SPDEF: variants seen among roughly 807,000 people sequenced by gnomAD.
SPDEF encodes SAM pointed domain containing ETS transcription factor.
Under a neutral mutation model 36.0 loss-of-function variants are expected in SPDEF, and 12 were observed. That is an observed-to-expected ratio of 0.33 (90% CI 0.21 to 0.54). The LOEUF (loss-of-function observed/expected upper bound fraction) is 0.54. SPDEF is among the 20% of genes least tolerant of loss of function. The pLI, the probability that SPDEF is intolerant of heterozygous loss-of-function variation, is 0.93. For missense variants in SPDEF, 388 were observed against 456.9 expected (o/e 0.85, Z 1.37); for synonymous variants, 205 against 193.0 (o/e 1.06, Z -0.51).
In SPDEF at chr6:34,544,168, A is replaced by G; in HGVS notation, c.288T>C (p.Ile96=). 1 of 1,613,830 alleles carries G rather than the reference A, an allele frequency of 6.2e-7. No individual in the cohort carries two copies. Among genetic ancestry groups the G allele is most frequent in the Non-Finnish European group, 8.5e-7 (1 of 1,179,940 alleles). ...PPEEPEQCPV[I]DSQAPAGSLD... ...GGCTGCCCGCTGGGGCTTGGCTGTCAATGACCGGGCACTGCTCAGGCTCCT... is the reference window on the plus strand; with the variant it reads ...GGCTGCCCGCTGGGGCTTGGCTGTCGATGACCGGGCACTGCTCAGGCTCCT... The change falls in exon 2 of 6, where the codon ATT becomes ATC. Residue 96 remains isoleucine, a synonymous_variant. Transcript: ENST00000374037. The surrounding 1 kb of genome is among the most constrained non-coding windows in gnomAD (Gnocchi z 4.4).
At chr6:34,547,111 GC>G (rs777646342) in intron 1 of SPDEF, among the ~76,000 whole-genome samples, 8 of 151,914 alleles carry the variant, frequency 5.3e-5, no homozygotes, top group Admixed American at 1.3e-4. Flanking sequence ...CACCCTGGGC[GC>G]CATGCCAGGG....
chr6:34,546,410 C>A (rs1767954565), intron 1 of SPDEF, among the ~76,000 whole-genome samples: 1 of 152,008 alleles, frequency 6.6e-6, no homozygotes. Flanking sequence ...TCTCCAGTTA[C>A]CCTGTGAGAC....
At chr6:34,547,886 T>C (rs1486250945) in intron 1 of SPDEF, among the ~76,000 whole-genome samples, 1 of 152,182 alleles carries the variant, frequency 6.6e-6, no homozygotes, top group Non-Finnish European at 1.5e-5. Flanking sequence ...AAGTTAATGG[T>C]TAACTGTGTG....
chr6:34,547,034 C>T (rs1312250980), intron 1 of SPDEF, among the ~76,000 whole-genome samples: 1 of 150,096 alleles, frequency 6.7e-6, no homozygotes, highest in Non-Finnish European at 1.5e-5. Context: ...TCACCCCCTG[C>T]CTGCCTCCTG....
chr6:34,543,730 GGGAGAGCGAAGTCCAAGA>G (rs1767877775), intron 2 of SPDEF, among the ~76,000 whole-genome samples: 1 of 152,194 alleles, frequency 6.6e-6, no homozygotes, highest in Admixed American at 6.5e-5. Context: ...AGTGAATGAG[GGGAGAGCGAAGTCCAAGA>G]GGAGGTGGGG....
Position 34,539,986 on chromosome 6 carries a change from G to A in SPDEF, c.635-424C>T, listed in dbSNP as rs1767783516. On this transcript the variant is annotated intron_variant, in intron 3 of 5. Coordinates refer to ENST00000374037, the MANE Select transcript of SPDEF (RefSeq NM_012391.3). The surrounding 1 kb of genome is among the most constrained non-coding windows in gnomAD (Gnocchi z 5.2). ...AGATCAAGACAATTTAGACACTCAGGGGCTGACACGCAGCCATTAGAAATT... is the reference window on the plus strand; with the variant it reads ...AGATCAAGACAATTTAGACACTCAGAGGCTGACACGCAGCCATTAGAAATT... Among the ~76,000 whole-genome samples the A allele has an allele frequency of 6.6e-6, 1 of 152,268 alleles. No homozygotes were observed. Among genetic ancestry groups the A allele is most frequent in the East Asian group, 1.9e-4 (1 of 5,176 alleles).
chr6:34,555,801 T>C lies in SPDEF; in HGVS notation c.-30+128A>G, dbSNP rs1768153894. ...AAAGGGATCCAGGTCACAGGGTCAC[T>C]GATGACTGGGAGATGAGCTCTGAGC... On this transcript the variant is annotated intron_variant, in intron 1 of 5. Coordinates refer to ENST00000374037, the MANE Select transcript of SPDEF (RefSeq NM_012391.3). The surrounding 1 kb of genome is among the most constrained non-coding windows in gnomAD (Gnocchi z 5.2). The C allele has an allele frequency of 4.6e-5, 7 of 152,724 alleles. No individual in the cohort carries two copies. 9.5% of individuals were successfully genotyped at this position (152,724 alleles called of 1,614,324 possible). A position where few individuals can be genotyped will look rare whatever the true frequency, so the allele number is the denominator to read the frequency against.
chr6:34,553,025 C>A (rs901043285), intron 1 of SPDEF, among the ~76,000 whole-genome samples: 12 of 152,120 alleles, frequency 7.9e-5, no homozygotes, highest in Middle Eastern at 6.3e-3. Context: ...CCTCCAGCCA[C>A]GTCTCCCCTG....
chr6:34,543,595 A>G (rs34961272), intron 2 of SPDEF, among the ~76,000 whole-genome samples: 471 of 152,326 alleles, frequency 3.1e-3, no homozygotes, highest in Non-Finnish European at 5.3e-3. Flanking sequence ...GGATGGTGCC[A>G]TCTGAGCCAA....
intron 1 of SPDEF, among the ~76,000 whole-genome samples, chr6:34,551,176 C>G (rs1033218852): frequency 1.3e-5 from 2 of 152,216 alleles, no homozygotes; most frequent in African/African-American, 4.8e-5. Context: ...CATCTTCTAG[C>G]TCCTAAGGTT....
At chr6:34,545,445 A>G (rs1767930703) in intron 1 of SPDEF, among the ~76,000 whole-genome samples, 2 of 152,258 alleles carry the variant, frequency 1.3e-5, no homozygotes, top group African/African-American at 4.8e-5. Context: ...AAGCAGTCAG[A>G]GGCCTTGCTC....
At chr6:34,545,163 T>C (rs1396962163) in intron 1 of SPDEF, among the ~76,000 whole-genome samples, 1 of 152,204 alleles carries the variant, frequency 6.6e-6, no homozygotes, top group East Asian at 1.9e-4. Context: ...TACCCCAGGC[T>C]GGGTGCATGG....
Position 34,539,876 on chromosome 6 carries a change from G to A in SPDEF, c.635-314C>T, listed in dbSNP as rs1025746786. ...ACTGGTCTCTGACAGGGTCCTATGA[G>A]TTGGTCCTGTTTCTTACTCCTTGAC... On this transcript the variant is annotated intron_variant, in intron 3 of 5. Transcript: ENST00000374037. The surrounding 1 kb of genome is among the most constrained non-coding windows in gnomAD (Gnocchi z 5.2). Among the ~76,000 whole-genome samples the A allele has an allele frequency of 7.2e-5, 11 of 152,324 alleles. No individual in the cohort carries two copies. The highest frequency in any genetic ancestry group is 7.2e-4 in the Admixed American group (11 of 15,310).
At chr6:34,553,410 G>C (rs976045806) in intron 1 of SPDEF, among the ~76,000 whole-genome samples, 3 of 151,976 alleles carry the variant, frequency 2.0e-5, no homozygotes, top group African/African-American at 7.3e-5. Flanking sequence ...CACAGGGTGG[G>C]GCATGAACGG....
At position 34,551,552 on chromosome 6, in the gene SPDEF, C is replaced by A. The variant is rs375073199; in HGVS notation, c.-30+4377G>T. 2.9e-4 allele frequency among the ~76,000 whole-genome samples: 44 copies of A among 152,314 alleles called. No individual in the cohort carries two copies. The East Asian group carries it at 6.8e-3, about 23-fold the overall frequency. ...TTTACGATCCATGACCCTCATCTTGCCATCAGCCTGGCTTTGGGGACTTAA... is the reference window on the plus strand; with the variant it reads ...TTTACGATCCATGACCCTCATCTTGACATCAGCCTGGCTTTGGGGACTTAA... On this transcript the variant is annotated intron_variant, in intron 1 of 5. Coordinates refer to ENST00000374037, the MANE Select transcript of SPDEF (RefSeq NM_012391.3).
chr6:34,545,005 G>A (rs755141607), intron 1 of SPDEF, among the ~76,000 whole-genome samples: 19 of 152,180 alleles, frequency 1.2e-4, no homozygotes, highest in Admixed American at 2.0e-4. Flanking sequence ...GGGGAAAGAC[G>A]AGAGGAACAA....
At chr6:34,554,035 A>G (rs1768118323) in intron 1 of SPDEF, among the ~76,000 whole-genome samples, 1 of 152,116 alleles carries the variant, frequency 6.6e-6, no homozygotes, top group Non-Finnish European at 1.5e-5. Context: ...TTAACAGGCA[A>G]TAGCCTTGTC....
At chr6:34,541,819 T>C (rs906816886) in intron 2 of SPDEF, among the ~76,000 whole-genome samples, 4 of 152,196 alleles carry the variant, frequency 2.6e-5, no homozygotes, top group African/African-American at 7.2e-5. Context: ...GGGGAGCCCT[T>C]GGCTAGGTCC....
chr6:34,553,397 G>T (rs1207095834), intron 1 of SPDEF, among the ~76,000 whole-genome samples: 1 of 152,080 alleles, frequency 6.6e-6, no homozygotes, highest in Non-Finnish European at 1.5e-5. Flanking sequence ...GCTTGGCTGG[G>T]GGCACAGGGT....
Sources: gnomAD v4.1 joint callset for allele counts (sites outside exome capture counted in the v4.1 genomes callset) on GRCh38, gnomAD v4.1.1 for gene constraint, Gnocchi (gnomAD v3.1) non-coding constraint, MANE v1.5 for transcripts, NCBI Gene and HGNC (gene_info 2026-07-23, HGNC 2026-07-21) for gene names.